The following CNTN4 variants were observed in gnomAD, a reference collection of about 807,000 sequenced individuals.
CNTN4 encodes contactin-4.
CNTN4 carries 77 observed loss-of-function variants against 122.5 expected under a neutral mutation model. That is an observed-to-expected ratio of 0.63 (90% CI 0.52 to 0.76). CNTN4 has a LOEUF of 0.76. Ranked by LOEUF, CNTN4 falls within the 30% of genes least tolerant of loss-of-function variation. The pLI, the probability that CNTN4 is intolerant of heterozygous loss-of-function variation, is 0.00. For missense variants in CNTN4, 1,256 were observed against 1,259.1 expected (o/e 1.00, Z 0.04); for synonymous variants, 512 against 447.0 (o/e 1.15, Z -1.83).
In CNTN4 at chr3:2,881,300, G is replaced by A. The variant is rs559489119; in HGVS notation, c.653-1845G>A. ...GGCCGAGGCAGACAGATCACCTGAG[G>A]TCAGGAATTCAAGACGAGCCTGGCC... On this transcript the variant is annotated intron_variant, in intron 8 of 24. Coordinates refer to ENST00000418658, the MANE Select transcript of CNTN4 (RefSeq NM_175607.3). Among the ~76,000 whole-genome samples the A allele has an allele frequency of 2.0e-5, 3 of 152,228 alleles. No individual in the cohort carries two copies. In the South Asian group the frequency reaches 6.2e-4, roughly 32 times the overall value.
chr3:2,576,421 A>G (rs1235473441), intron 4 of CNTN4, among the ~76,000 whole-genome samples: 1 of 152,230 alleles, frequency 6.6e-6, no homozygotes, highest in Non-Finnish European at 1.5e-5. Context: ...GCTAATCCAT[A>G]CATGTTTTTC....
At chr3:2,116,681 C>T (rs555048271) in intron 2 of CNTN4, among the ~76,000 whole-genome samples, 32 of 152,162 alleles carry the variant, frequency 2.1e-4, no homozygotes, top group African/African-American at 7.0e-4. Context: ...TTTTCTAACA[C>T]GAGAATTTTT....
chr3:2,667,965 A>C (rs1308216823), intron 4 of CNTN4, among the ~76,000 whole-genome samples: 2 of 152,104 alleles, frequency 1.3e-5, no homozygotes, highest in Admixed American at 6.6e-5. Context: ...CTGTTTTGGT[A>C]CCAGTACCAT....
chr3:2,639,450 C>T (rs190477366), intron 4 of CNTN4, among the ~76,000 whole-genome samples: 1 of 152,290 alleles, frequency 6.6e-6, no homozygotes, highest in East Asian at 1.9e-4. Context: ...ATTCTAAACA[C>T]CTATTTCCTA....
chr3:2,491,180 G>C (rs1337940423), intron 3 of CNTN4, among the ~76,000 whole-genome samples: 1 of 152,054 alleles, frequency 6.6e-6, no homozygotes. Context: ...CCAGCACATA[G>C]TACGTACTCA....
At chr3:2,305,970 T>G (rs943112969) in intron 2 of CNTN4, among the ~76,000 whole-genome samples, 2 of 152,220 alleles carry the variant, frequency 1.3e-5, no homozygotes, top group Non-Finnish European at 2.9e-5. Flanking sequence ...AGTACTTCAC[T>G]TATTTTTATG....
chr3:2,500,642 A>G (rs9881114), intron 3 of CNTN4, among the ~76,000 whole-genome samples: 4,147 of 152,116 alleles, frequency 0.027, 185 homozygotes, highest in African/African-American at 0.091. Context: ...CTTTGTTTTT[A>G]TTAAACCTTT....
intron 14 of CNTN4, among the ~76,000 whole-genome samples, chr3:3,009,560 A>T (rs909246073): frequency 2.0e-5 from 3 of 148,520 alleles, no homozygotes; most frequent in African/African-American, 7.4e-5. Context: ...CAGCTTCCCG[A>T]GTAGCTGGGA....
At chr3:2,513,033 C>T (rs1396041599) in intron 3 of CNTN4, among the ~76,000 whole-genome samples, 2 of 152,164 alleles carry the variant, frequency 1.3e-5, no homozygotes, top group South Asian at 4.1e-4. Flanking sequence ...GATCACAAAA[C>T]AGTACAGAAT....
At chr3:2,706,091 ATCT>A (rs1181616630) in intron 4 of CNTN4, among the ~76,000 whole-genome samples, 1 of 149,382 alleles carries the variant, frequency 6.7e-6, no homozygotes, top group Non-Finnish European at 1.5e-5. Context: ...TAAAGTTCTC[ATCT>A]TCTTTGGTAG....
intron 3 of CNTN4, among the ~76,000 whole-genome samples, chr3:2,390,860 A>G (rs1201220316): frequency 6.6e-6 from 1 of 152,178 alleles, no homozygotes; most frequent in East Asian, 1.9e-4. Flanking sequence ...GCCCGACCCA[A>G]ACCTTCAATT....
intron 2 of CNTN4, among the ~76,000 whole-genome samples, chr3:2,255,398 T>C (rs2040540950): frequency 6.6e-6 from 1 of 152,174 alleles, no homozygotes; most frequent in African/African-American, 2.4e-5. Context: ...TTAACAAGGA[T>C]ATTTAGGACT....
intron 4 of CNTN4, among the ~76,000 whole-genome samples, chr3:2,630,840 T>G (rs2082400670): frequency 6.6e-6 from 1 of 152,178 alleles, no homozygotes; most frequent in African/African-American, 2.4e-5. Flanking sequence ...TACAGAAGTC[T>G]TCTTAGCTTT....
chr3:2,829,615 C>T (rs567279331), intron 7 of CNTN4, among the ~76,000 whole-genome samples: 1 of 152,306 alleles, frequency 6.6e-6, no homozygotes, highest in South Asian at 2.1e-4. Context: ...TGTGATGCTA[C>T]TGACATACTT....
intron 2 of CNTN4, among the ~76,000 whole-genome samples, chr3:2,334,331 G>A (rs2043852779): frequency 6.6e-6 from 1 of 152,050 alleles, no homozygotes; most frequent in African/African-American, 2.4e-5. Flanking sequence ...CTAATTTTTT[G>A]TATTTTTAGT....
chr3:2,621,511 A>G (rs1283973365), intron 4 of CNTN4, among the ~76,000 whole-genome samples: 3 of 151,960 alleles, frequency 2.0e-5, no homozygotes, highest in Non-Finnish European at 4.4e-5. Flanking sequence ...GTGGGGGGCT[A>G]GTGGAGGGAT....
In CNTN4 at chr3:3,053,901, T is replaced by G. The variant is rs1171705654; in HGVS notation, c.2906T>G (p.Ile969Arg). 6.2e-7 allele frequency: 1 copy of G among 1,614,148 alleles called. No individual in the cohort carries two copies. Among genetic ancestry groups the G allele is most frequent in the East Asian group, 2.2e-5 (1 of 44,886 alleles). Residue 969 changes from isoleucine (I) to arginine (R), a missense_variant, in exon 24 of 25, where the codon ATA becomes AGA. Coordinates refer to ENST00000418658, the MANE Select transcript of CNTN4 (RefSeq NM_175607.3). Reference protein sequence around the residue: ...ELSLPFDEDYIIEIKPFSDGG... With the variant: ...ELSLPFDEDYRIEIKPFSDGG... ...TCTTTGCCTTTCGATGAAGATTATATAATAGAAATTAAGCCATTCAGCGAC... is the reference window on the plus strand; with the variant it reads ...TCTTTGCCTTTCGATGAAGATTATAGAATAGAAATTAAGCCATTCAGCGAC...
intron 12 of CNTN4, 95 bp from the exon 13 acceptor site, chr3:2,925,534 G>C: frequency 1.5e-6 from 2 of 1,356,144 alleles, no homozygotes; most frequent in Non-Finnish European, 1.0e-6. Flanking sequence ...AACAGAGCAA[G>C]ACTCTGTCTC....
intron 4 of CNTN4, among the ~76,000 whole-genome samples, chr3:2,704,296 CAAAAAAAAAAAAAA>C (rs151155380): frequency 7.2e-5 from 5 of 69,496 alleles, no homozygotes; most frequent in Admixed American, 3.7e-4. Context: ...GACTTCATTT[CAAAAAAAAAAAAAA>C]AAAAAAAAAA....
Sources: gnomAD v4.1 joint callset for allele counts (sites outside exome capture counted in the v4.1 genomes callset) on GRCh38, gnomAD v4.1.1 for gene constraint, MANE v1.5 for transcripts, NCBI Gene and HGNC (gene_info 2026-07-23, HGNC 2026-07-21) for gene names.